Variants in CCDC141 observed in about 807,000 individuals in gnomAD.
CCDC141 encodes coiled-coil domain containing 141, also known as coiled-coil domain-containing protein 141.
In CCDC141, 168 loss-of-function variants were observed where a neutral mutation model predicts 181.0. The observed-to-expected ratio is 0.93, with a 90% CI of 0.82 to 1.05. CCDC141 has a LOEUF of 1.05. Ranked by LOEUF, CCDC141 falls within the 50% of genes least tolerant of loss-of-function variation. CCDC141 has a pLI of 0.00. For synonymous variants in CCDC141, 666 were observed against 642.3 expected (o/e 1.04, Z -0.56); for missense variants, 1,902 against 1,788.5 (o/e 1.06, Z -1.14).
At chr2:178,884,786 G>A (rs1295107992) in intron 11 of CCDC141, 115 bp downstream of exon 11, 10 of 670,796 alleles carry the variant, frequency 1.5e-5, no homozygotes, top group African/African-American at 5.4e-5. Flanking sequence ...GTGAGCCCAC[G>A]CACAGGGGTA....
chr2:179,022,221 G>A (rs943345026), intron 2 of CCDC141, among the ~76,000 whole-genome samples: 5 of 151,976 alleles, frequency 3.3e-5, no homozygotes, highest in Admixed American at 6.6e-5. Context: ...TCAAGTGACC[G>A]AAAAAACAGT....
chr2:178,996,189 T>C (rs1692280280), intron 2 of CCDC141, among the ~76,000 whole-genome samples: 1 of 151,826 alleles, frequency 6.6e-6, no homozygotes, highest in Admixed American at 6.6e-5. Context: ...CAGATTCTCC[T>C]GCCTCAGCCT....
intron 2 of CCDC141, among the ~76,000 whole-genome samples, chr2:179,012,639 A>G (rs1218316472): frequency 6.6e-6 from 1 of 152,138 alleles, no homozygotes; most frequent in Non-Finnish European, 1.5e-5. Context: ...CCCTAATACC[A>G]AAACCAGGAA....
intron 22 of CCDC141, among the ~76,000 whole-genome samples, chr2:178,842,792 C>T (rs549033054): frequency 3.9e-5 from 6 of 152,214 alleles, no homozygotes; most frequent in South Asian, 4.1e-4. Flanking sequence ...AGGCCCTTAG[C>T]GGGGGCTTTA....
At chr2:179,041,867 T>G (rs2043317153) in intron 2 of CCDC141, among the ~76,000 whole-genome samples, 1 of 152,110 alleles carries the variant, frequency 6.6e-6, no homozygotes, top group Admixed American at 6.5e-5. Context: ...GAGCTGAATA[T>G]CCTAAATATA....
chr2:178,906,066 G>T (rs1352872138), intron 7 of CCDC141, among the ~76,000 whole-genome samples: 3 of 152,156 alleles, frequency 2.0e-5, no homozygotes, highest in African/African-American at 4.8e-5. Context: ...CTTCAGAAGA[G>T]ATTAGAATTT....
chr2:178,938,700 GTCT>G lies in CCDC141; in HGVS notation c.897+5832_897+5834del, dbSNP rs557783906. ...CTAATACTGTTAGTAGAGTTTTGAA[GTCT>G]CCCACTATTATTGTCACAAATATTT... On this transcript the variant is annotated intron_variant, in intron 6 of 23. Transcript: ENST00000443758. Among the ~76,000 whole-genome samples, 257 of 152,102 alleles carry G rather than the reference GTCT, an allele frequency of 1.7e-3. 1 individual carries two copies. Among genetic ancestry groups the G allele is most frequent in the Non-Finnish European group, 2.0e-3 (134 of 67,952 alleles).
intron 22 of CCDC141, among the ~76,000 whole-genome samples, chr2:178,838,287 G>A (rs946839197): frequency 3.9e-5 from 6 of 152,080 alleles, no homozygotes; most frequent in African/African-American, 7.2e-5. Flanking sequence ...TTAAGTGTAC[G>A]GCTCAGTGGC....
At position 178,865,812 on chromosome 2, in the gene CCDC141, C is replaced by A. The variant is rs770792942; in HGVS notation, c.2679G>T (p.Leu893=). 3.1e-5 allele frequency: 49 copies of A among 1,604,258 alleles called. No homozygotes were observed. The highest frequency in any genetic ancestry group is 4.1e-5 in the Non-Finnish European group (48 of 1,175,310). The stretch of plus-strand genomic sequence containing the variant: ...TGGCGCAGTACTCCACACTACGGGA[C>A]AGGGTCCGTCCATACTCCTCAGCTT... ...RAKAEEYGRT[L]SRSVEYCAMR... Residue 893 remains leucine, a synonymous_variant, in exon 17 of 24, where the codon CTG becomes CTT. Transcript: ENST00000443758.
chr2:178,847,341 G>A (rs1316841159), intron 21 of CCDC141, among the ~76,000 whole-genome samples: 1 of 152,094 alleles, frequency 6.6e-6, no homozygotes, highest in African/African-American at 2.4e-5. Context: ...ACCAGCTTGG[G>A]CAACATAGTG....
At chr2:179,047,196 C>A in intron 2 of CCDC141, 88 bp downstream of exon 2, 1 of 1,242,020 alleles carries the variant, frequency 8.1e-7, no homozygotes, top group East Asian at 2.8e-5. Context: ...TGGCCCTAGG[C>A]CAGTAACAGC....
chr2:178,883,009 A>T (rs938702505), intron 11 of CCDC141, among the ~76,000 whole-genome samples: 2 of 152,196 alleles, frequency 1.3e-5, no homozygotes, highest in African/African-American at 4.8e-5. Flanking sequence ...AGGAAAACAG[A>T]TTTAGCAGAA....
chr2:178,919,608 G>A (rs1399462304), intron 6 of CCDC141, among the ~76,000 whole-genome samples: 3 of 152,200 alleles, frequency 2.0e-5, no homozygotes, highest in Non-Finnish European at 4.4e-5. Context: ...TTTGTCCGAT[G>A]TGTATTCATT....
chr2:178,942,250 T>A (rs1020572389), intron 6 of CCDC141, among the ~76,000 whole-genome samples: 2 of 152,126 alleles, frequency 1.3e-5, no homozygotes, highest in Non-Finnish European at 2.9e-5. Flanking sequence ...ACCTGGCTAA[T>A]CGTTTAAATG....
rs551840042 is a variant in CCDC141, at chr2:178,983,190, C to G, written c.226-4515G>C. Among the ~76,000 whole-genome samples, 1,025 of 152,294 alleles carry G rather than the reference C, an allele frequency of 6.7e-3. 19 individuals carry two copies. The highest frequency in any genetic ancestry group is 0.023 in the African/African-American group (968 of 41,556). On this transcript the variant is annotated intron_variant, in intron 2 of 23. Coordinates refer to ENST00000443758, the MANE Select transcript of CCDC141 (RefSeq NM_173648.4). ...CCGACCAGCCTAACTGGGAGGCACC[C>G]TCCAGCAGGGGCACACTGACACCTC...
chr2:178,904,023 G>C (rs1343801215), intron 8 of CCDC141, among the ~76,000 whole-genome samples: 1 of 152,118 alleles, frequency 6.6e-6, no homozygotes, highest in Non-Finnish European at 1.5e-5. Context: ...GATCTTTTCT[G>C]TATTGTTCAA....
In CCDC141 at chr2:178,905,499, T is replaced by G; in HGVS notation, c.1095A>C (p.Ala365=). 2 of 1,542,386 alleles carry G rather than the reference T, an allele frequency of 1.3e-6. No individual in the cohort carries two copies. Among genetic ancestry groups the G allele is most frequent in the Non-Finnish European group, 8.7e-7 (1 of 1,144,516 alleles). The change falls in exon 8 of 24, where the codon GCA becomes GCC. Residue 365 remains alanine (A), a splice_region_variant and synonymous_variant. Transcript: ENST00000443758. ...CTTCAACTCTTCCAAGTACATCAAA[T>G]GCCTGCCAAAGAAAACATACTTTTA... The part of the protein sequence containing the change: ...ANEFFNSANK[A]FDVLGRVEAY...
At chr2:178,828,311 C>T (rs1347340380), downstream of CCDC141, among the ~76,000 whole-genome samples, 1 of 152,154 alleles carries the variant, frequency 6.6e-6, no homozygotes, top group African/African-American at 2.4e-5. Context: ...GTTGCGTAGC[C>T]AGTTTATCCC....
chr2:179,019,411 A>G (rs2042633051), intron 2 of CCDC141, among the ~76,000 whole-genome samples: 1 of 152,130 alleles, frequency 6.6e-6, no homozygotes, highest in Admixed American at 6.6e-5. Context: ...ACATATCAAC[A>G]CCAGGGTCTC....
Sources: allele counts gnomAD v4.1 joint callset (sites outside exome capture counted in the v4.1 genomes callset), GRCh38; gene constraint gnomAD v4.1.1; transcripts MANE v1.5; gene names NCBI Gene and HGNC (gene_info 2026-07-23, HGNC 2026-07-21).